The following NEK10 variants were observed in gnomAD, a reference collection of about 807,000 sequenced individuals.
NEK10 encodes NIMA related kinase 10, also known as serine/threonine-protein kinase Nek10.
In NEK10, 122 loss-of-function variants were observed where a neutral mutation model predicts 159.8. That is an observed-to-expected ratio of 0.76 (90% CI 0.66 to 0.89). NEK10 has a LOEUF of 0.89. Ranked by LOEUF, NEK10 falls within the 40% of genes least tolerant of loss-of-function variation. NEK10 has a pLI of 0.00. For synonymous variants in NEK10, 466 were observed against 457.1 expected (o/e 1.02, Z -0.25); for missense variants, 1,342 against 1,323.1 (o/e 1.01, Z -0.22).
At chr3:27,316,521 A>T (rs12152280) in intron 6 of NEK10, among the ~76,000 whole-genome samples, 35,216 of 151,994 alleles carry the variant, frequency 0.23, 4,449 homozygotes, top group Middle Eastern at 0.37. Context: ...GGCCACAGAA[A>T]ATGAGGTGAG....
chr3:27,150,092 A>C (rs888337104), intron 30 of NEK10, among the ~76,000 whole-genome samples: 2 of 152,232 alleles, frequency 1.3e-5, no homozygotes, highest in Admixed American at 6.5e-5. Context: ...GAGAGAGGTG[A>C]GAGAGCTGCA....
At chr3:27,160,119 T>TAAA (rs200665047) in intron 30 of NEK10, among the ~76,000 whole-genome samples, 5 of 151,736 alleles carry the variant, frequency 3.3e-5, no homozygotes, top group African/African-American at 7.3e-5. Context: ...TTATTTTTTT[T>TAAA]AAAAAAATAA....
chr3:27,212,921 T>A (rs1381304266), intron 23 of NEK10, among the ~76,000 whole-genome samples: 1 of 152,208 alleles, frequency 6.6e-6, no homozygotes, highest in Non-Finnish European at 1.5e-5. Context: ...CAATTCATGC[T>A]GACTTCCTAG....
At chr3:27,234,019 C>A (rs976708753) in intron 23 of NEK10, among the ~76,000 whole-genome samples, 3 of 151,798 alleles carry the variant, frequency 2.0e-5, no homozygotes, top group Admixed American at 6.6e-5. Flanking sequence ...AGAAAAAAAA[C>A]AACATGATTA....
chr3:27,217,912 TTTAA>T (rs984755649), intron 23 of NEK10, among the ~76,000 whole-genome samples: 5 of 152,146 alleles, frequency 3.3e-5, no homozygotes, highest in African/African-American at 1.2e-4. Context: ...TATGATAAAG[TTTAA>T]TTAATAAATT....
chr3:27,217,732 C>T (rs932679919), intron 23 of NEK10, among the ~76,000 whole-genome samples: 1 of 152,010 alleles, frequency 6.6e-6, no homozygotes, highest in African/African-American at 2.4e-5. Flanking sequence ...TAAATATAGA[C>T]ACAAAAATAT....
At chr3:27,346,978 C>A (rs934255040) in intron 3 of NEK10, among the ~76,000 whole-genome samples, 1 of 152,082 alleles carries the variant, frequency 6.6e-6, no homozygotes, top group Non-Finnish European at 1.5e-5. Context: ...ATTGGGGTAA[C>A]CCTAAGGTTT....
At chr3:27,274,022 A>G (rs2041579396) in intron 22 of NEK10, among the ~76,000 whole-genome samples, 1 of 151,792 alleles carries the variant, frequency 6.6e-6, no homozygotes, top group Non-Finnish European at 1.5e-5. Context: ...TCCAACTACT[A>G]TTAATATTAA....
rs9819135 is a variant in NEK10, at chr3:27,288,478, T to C, written c.1744-735A>G. Among the ~76,000 whole-genome samples, 747 of 152,280 alleles carry C rather than the reference T, an allele frequency of 4.9e-3. 7 individuals are homozygous for C. The highest frequency in any genetic ancestry group is 0.017 in the African/African-American group (714 of 41,562). On this transcript the variant is annotated intron_variant, in intron 19 of 35. Transcript: ENST00000691995. ...TGATATCTAACCAAGTTCCTCTTAGTAAACTTCCATCCACTGACCCTCCCT... is the reference window on the plus strand; with the variant it reads ...TGATATCTAACCAAGTTCCTCTTAGCAAACTTCCATCCACTGACCCTCCCT...
chr3:27,196,861 C>T (rs543769779), intron 25 of NEK10, among the ~76,000 whole-genome samples: 1 of 152,246 alleles, frequency 6.6e-6, no homozygotes, highest in South Asian at 2.1e-4. Context: ...CAACAGACAA[C>T]AGGAACAAAT....
intron 12 of NEK10, among the ~76,000 whole-genome samples, chr3:27,303,609 A>G (rs1214576542): frequency 2.0e-5 from 3 of 152,220 alleles, no homozygotes; most frequent in African/African-American, 7.2e-5. Flanking sequence ...TCATGAAGCA[A>G]GTGGGTTGTC....
intron 22 of NEK10, among the ~76,000 whole-genome samples, chr3:27,267,712 T>G (rs906412022): frequency 6.6e-6 from 1 of 152,028 alleles, no homozygotes; most frequent in South Asian, 2.1e-4. Context: ...AGCCTCCTTA[T>G]CCCCCTAGAC....
intron 23 of NEK10, among the ~76,000 whole-genome samples, chr3:27,244,448 A>G (rs1312362236): frequency 1.3e-5 from 2 of 152,198 alleles, no homozygotes; most frequent in African/African-American, 4.8e-5. Flanking sequence ...TAAACAATGG[A>G]ATCCCTTTAA....
chr3:27,262,984 T>C (rs2040547891), intron 22 of NEK10, among the ~76,000 whole-genome samples: 1 of 152,200 alleles, frequency 6.6e-6, no homozygotes, highest in African/African-American at 2.4e-5. Context: ...GATGGTGACG[T>C]ACAGATGGGG....
intron 26 of NEK10, among the ~76,000 whole-genome samples, chr3:27,186,689 G>C (rs1948652543): frequency 6.6e-6 from 1 of 152,158 alleles, no homozygotes; most frequent in African/African-American, 2.4e-5. Context: ...GCTAACTGTG[G>C]TATACTTTGT....
rs1347708980 is a variant in NEK10 at position 27,129,560 on chromosome 3, T to C, written c.3081+2320A>G. 9.8e-5 allele frequency among the ~76,000 whole-genome samples: 15 copies of C among 152,290 alleles called. No homozygotes were observed. In the East Asian group the frequency reaches 2.9e-3, roughly 29 times the overall value. The stretch of plus-strand genomic sequence containing the variant: ...ATGGAGGTCACAAACTCTTCTCATT[T>C]AAGTTTAGATGAAGGCAGGAAAGTT... On this transcript the variant is annotated intron_variant, in intron 32 of 35. Transcript: ENST00000691995.
intron 30 of NEK10, among the ~76,000 whole-genome samples, chr3:27,151,110 T>C (rs955393032): frequency 6.6e-6 from 1 of 151,696 alleles, no homozygotes; most frequent in Non-Finnish European, 1.5e-5. Flanking sequence ...ATCTTGGGAG[T>C]TCTAAGGCCT....
Position 27,301,700 on chromosome 3 carries a change from T to A in NEK10, c.1164A>T (p.Gln388His), listed in dbSNP as rs1486273531. The change falls in exon 13 of 36, where the codon CAA becomes CAT. Residue 388 changes from glutamine to histidine, a missense_variant. Gln to His is a conservative substitution (Grantham distance 24). Coordinates refer to ENST00000691995, the MANE Select transcript of NEK10 (RefSeq NM_001394966.1). Reference sequence around the variant, plus strand: ...CAAATAATAAAACATAAATACCTGCTTGAAGTGAGAAAGTATTTTCTTGTA... The same window carrying A: ...CAAATAATAAAACATAAATACCTGCATGAAGTGAGAAAGTATTTTCTTGTA... ...REIQENTFSL[Q>H]AACCAALTEL... is the part of the protein sequence containing the mutation. 6 of 1,556,948 alleles carry A rather than the reference T, an allele frequency of 3.9e-6. No individual in the cohort carries two copies. Among genetic ancestry groups the A allele is most frequent in the Middle Eastern group, 1.7e-4 (1 of 6,010 alleles).
In NEK10 at chr3:27,352,661, T is replaced by C. The variant is rs574155842; in HGVS notation, c.72-136A>G. On this transcript the variant is annotated intron_variant, in intron 2 of 35. Coordinates refer to ENST00000691995, the MANE Select transcript of NEK10 (RefSeq NM_001394966.1). Reference sequence around the variant, plus strand: ...GAATACACACACTAAACATTTTCTTTAGAACACTAGAAATGACCAGATGTT... The same window carrying C: ...GAATACACACACTAAACATTTTCTTCAGAACACTAGAAATGACCAGATGTT... The C allele has an allele frequency of 2.6e-5, 21 of 813,822 alleles. No homozygotes were observed. In the African/African-American group the frequency reaches 3.6e-4, roughly 14 times the overall value. 50.4% of individuals were successfully genotyped at this position (813,822 alleles called of 1,614,324 possible).
Sources: allele counts gnomAD v4.1 joint callset (sites outside exome capture counted in the v4.1 genomes callset), GRCh38; gene constraint gnomAD v4.1.1; transcripts MANE v1.5; gene names NCBI Gene and HGNC (gene_info 2026-07-23, HGNC 2026-07-21).